LMBRD1: variants seen among roughly 807,000 people sequenced by gnomAD.
The protein encoded by LMBRD1 is lysosomal cobalamin transport escort protein LMBD1.
In LMBRD1, 64 loss-of-function variants were observed where a neutral mutation model predicts 74.8. The observed-to-expected ratio is 0.86, with a 90% CI of 0.70 to 1.05. The LOEUF is 1.05. LMBRD1 is among the 50% of genes least tolerant of loss of function. The probability of loss-of-function intolerance (pLI) is 0.00; values close to 1 mark genes in which losing one functional copy is unlikely to be tolerated. For synonymous variants in LMBRD1, 204 were observed against 216.3 expected (o/e 0.94, Z 0.50); for missense variants, 652 against 645.9 (o/e 1.01, Z -0.10).
chr6:69,704,257 T>C (rs1766199410), intron 9 of LMBRD1, among the ~76,000 whole-genome samples: 1 of 152,160 alleles, frequency 6.6e-6, no homozygotes. Context: ...TCAAGTTTTG[T>C]ATCCACTGAT....
chr6:69,713,862 TAGC>T, intron 8 of LMBRD1, 65 bp from the exon 9 acceptor site: 2 of 1,578,868 alleles, frequency 1.3e-6, no homozygotes, highest in Non-Finnish European at 1.7e-6. Context: ...CCAGCAGATT[TAGC>T]AGATCAGGCA....
At chr6:69,794,196 A>G (rs966642639) in intron 1 of LMBRD1, among the ~76,000 whole-genome samples, 4 of 152,344 alleles carry the variant, frequency 2.6e-5, no homozygotes, top group African/African-American at 7.2e-5. Context: ...CATGGTTCAT[A>G]GCCACAGTGG....
At chr6:69,676,425 T>A in intron 15 of LMBRD1, 25 bp downstream of exon 15, 1 of 1,601,362 alleles carries the variant, frequency 6.2e-7, no homozygotes, top group Non-Finnish European at 8.6e-7. Context: ...GAAGGTCAAA[T>A]CACGCGTGGG....
At chr6:69,698,141 G>A (rs1766046820) in intron 13 of LMBRD1, among the ~76,000 whole-genome samples, 1 of 152,016 alleles carries the variant, frequency 6.6e-6, no homozygotes, top group Admixed American at 6.6e-5. Context: ...GGTCATTCAT[G>A]TACCTCCATC....
chr6:69,713,577 A>G (rs1766427959), intron 9 of LMBRD1, 68 bp downstream of exon 9: 1 of 1,508,768 alleles, frequency 6.6e-7, no homozygotes. Context: ...GGAGAGCTCA[A>G]TCTCTCCAAG....
chr6:69,718,007 T>C (rs1255263695), intron 8 of LMBRD1, among the ~76,000 whole-genome samples: 1 of 152,200 alleles, frequency 6.6e-6, no homozygotes, highest in Non-Finnish European at 1.5e-5. Flanking sequence ...TTAAAATATT[T>C]GCTTCTACTT....
intron 3 of LMBRD1, among the ~76,000 whole-genome samples, chr6:69,766,849 A>G (rs972718123): frequency 6.6e-6 from 1 of 151,652 alleles, no homozygotes; most frequent in African/African-American, 2.4e-5. Context: ...AAATCTAGGT[A>G]TGGGGTTCTC....
intron 3 of LMBRD1, among the ~76,000 whole-genome samples, chr6:69,760,284 C>G (rs557154516): frequency 6.6e-6 from 1 of 152,158 alleles, no homozygotes; most frequent in Non-Finnish European, 1.5e-5. Flanking sequence ...CTTCAATAAT[C>G]TGTATAAATG....
intron 2 of LMBRD1, among the ~76,000 whole-genome samples, chr6:69,781,417 T>C (rs1490852726): frequency 6.6e-6 from 1 of 152,200 alleles, no homozygotes; most frequent in East Asian, 1.9e-4. Flanking sequence ...CAGTGTTTTA[T>C]AAACACTTAA....
intron 7 of LMBRD1, among the ~76,000 whole-genome samples, chr6:69,732,793 T>C (rs987889048): frequency 2.6e-5 from 4 of 152,200 alleles, no homozygotes; most frequent in Admixed American, 1.3e-4. Flanking sequence ...CACTGGTCCA[T>C]ACGATACATT....
intron 3 of LMBRD1, among the ~76,000 whole-genome samples, chr6:69,754,140 G>C (rs1486081342): frequency 7.6e-6 from 1 of 131,114 alleles, no homozygotes; most frequent in African/African-American, 2.6e-5. Flanking sequence ...AAGGAGAGAG[G>C]AAGGGCAGAA....
intron 3 of LMBRD1, among the ~76,000 whole-genome samples, chr6:69,769,359 T>A (rs959683661): frequency 6.6e-6 from 1 of 152,190 alleles, no homozygotes; most frequent in Non-Finnish European, 1.5e-5. Context: ...ATTTTTAAAA[T>A]CATTTCTATC....
intron 5 of LMBRD1, among the ~76,000 whole-genome samples, chr6:69,744,682 TTA>T (rs1767179053): frequency 6.6e-6 from 1 of 152,194 alleles, no homozygotes; most frequent in Admixed American, 6.5e-5. Flanking sequence ...TCCAAATAGC[TTA>T]TGTTTCTTCC....
intron 1 of LMBRD1, among the ~76,000 whole-genome samples, chr6:69,795,655 T>C (rs1439871729): frequency 6.6e-6 from 1 of 152,226 alleles, no homozygotes; most frequent in Non-Finnish European, 1.5e-5. Context: ...GAGACCACAG[T>C]CAACCTTTAG....
At chr6:69,730,712 T>C (rs1381946954) in intron 7 of LMBRD1, among the ~76,000 whole-genome samples, 2 of 152,098 alleles carry the variant, frequency 1.3e-5, no homozygotes, top group African/African-American at 2.4e-5. Context: ...AAAAAGTTAA[T>C]GTGTAAGTCA....
At chr6:69,715,748 ATTTTTCCTGATC>A (rs1484019644) in intron 8 of LMBRD1, among the ~76,000 whole-genome samples, 2 of 151,910 alleles carry the variant, frequency 1.3e-5, no homozygotes, top group Non-Finnish European at 2.9e-5. Flanking sequence ...TATATGTGTA[ATTTTTCCTGATC>A]TTCTCCCTCC....
chr6:69,794,025 C>A (rs1766153864), intron 1 of LMBRD1, among the ~76,000 whole-genome samples: 1 of 152,062 alleles, frequency 6.6e-6, no homozygotes. Flanking sequence ...TGGCCCATGT[C>A]CTGAATATTT....
intron 7 of LMBRD1, among the ~76,000 whole-genome samples, chr6:69,732,198 C>T (rs1252812993): frequency 6.6e-6 from 1 of 152,006 alleles, no homozygotes; most frequent in Admixed American, 6.6e-5. Flanking sequence ...TTTGTTTTCC[C>T]CTAAAATTCG....
chr6:69,675,995 T>C lies in LMBRD1; in HGVS notation c.*163A>G. ...GGTAATTTAAAATGTTAATCTATGA[T>C]ACAATGTTACTTCAGAAAACATATA... is the stretch of plus-strand genomic sequence containing the variant. On this transcript the variant is annotated 3_prime_UTR_variant, in exon 16 of 16. Coordinates refer to ENST00000649934, the MANE Select transcript of LMBRD1 (RefSeq NM_018368.4). The C allele has an allele frequency of 1.6e-6, 1 of 635,588 alleles. No homozygotes were observed. The highest frequency in any genetic ancestry group is 2.8e-6 in the Non-Finnish European group (1 of 357,170). 39.4% of individuals were successfully genotyped at this position (635,588 alleles called of 1,614,324 possible).
Sources: allele counts gnomAD v4.1 joint callset (sites outside exome capture counted in the v4.1 genomes callset), GRCh38; gene constraint gnomAD v4.1.1; transcripts MANE v1.5; gene names NCBI Gene and HGNC (gene_info 2026-07-23, HGNC 2026-07-21).